CDH13: variants seen among roughly 807,000 people sequenced by gnomAD.
CDH13 encodes the protein cadherin-13.
CDH13 carries 24 observed loss-of-function variants against 63.8 expected under a neutral mutation model. The ratio of observed to expected loss-of-function variants is 0.38; its 90% confidence interval spans 0.27 to 0.53. CDH13 has a LOEUF of 0.53. CDH13 is among the 20% of genes least tolerant of loss of function. The pLI is 0.85. For synonymous variants in CDH13, 503 were observed against 355.3 expected (o/e 1.42, Z -4.67); for missense variants, 1,049 against 903.1 (o/e 1.16, Z -2.07).
chr16:83,300,021 C>T (rs563178141), intron 5 of CDH13, among the ~76,000 whole-genome samples: 9 of 152,286 alleles, frequency 5.9e-5, no homozygotes, highest in East Asian at 3.9e-4. Context: ...GCCTCAGTTT[C>T]GTCACAGGAG....
At chr16:82,980,815 G>C (rs1210801278) in intron 2 of CDH13, among the ~76,000 whole-genome samples, 1 of 152,144 alleles carries the variant, frequency 6.6e-6, no homozygotes, top group Non-Finnish European at 1.5e-5. Flanking sequence ...GAAAATATCT[G>C]TTTGTTTCAT....
In CDH13 at chr16:83,161,781, T is replaced by C. The variant is rs371838301; in HGVS notation, c.483+36280T>C. ...ACCTCTTCCCTACTAATTACATTAA[T>C]CAACAACAAACAACAACTCTAAAAG... On this transcript the variant is annotated intron_variant, in intron 4 of 13. Transcript: ENST00000567109. 1.9e-3 allele frequency among the ~76,000 whole-genome samples: 296 copies of C among 152,314 alleles called. 2 individuals carry two copies. The highest frequency in any genetic ancestry group is 6.9e-3 in the African/African-American group (285 of 41,572).
At chr16:83,146,640 C>G (rs183655823) in intron 4 of CDH13, among the ~76,000 whole-genome samples, 27 of 152,344 alleles carry the variant, frequency 1.8e-4, no homozygotes, top group African/African-American at 6.0e-4. Flanking sequence ...GAATGGTATT[C>G]AACAGGCATC....
intron 2 of CDH13, among the ~76,000 whole-genome samples, chr16:82,987,603 C>T (rs1281330538): frequency 1.3e-5 from 2 of 152,168 alleles, no homozygotes; most frequent in Non-Finnish European, 2.9e-5. Flanking sequence ...TCTCAAACTC[C>T]TGACCTCAGG....
In CDH13 at chr16:82,648,791, G is replaced by A. The variant is rs1404467039; in HGVS notation, c.45+21654G>A. On this transcript the variant is annotated intron_variant, in intron 1 of 13. Transcript: ENST00000567109. ...AGAAAAAACCTTCTAAAAAATAGGT[G>A]GTAAGACCCAGTGAAAGTTTTAAAG... 2.0e-5 allele frequency among the ~76,000 whole-genome samples: 3 copies of A among 152,112 alleles called. No homozygotes were observed. In the East Asian group the frequency reaches 5.8e-4, roughly 29 times the overall value.
chr16:82,999,381 A>T (rs1220551886), intron 2 of CDH13, among the ~76,000 whole-genome samples: 1 of 152,220 alleles, frequency 6.6e-6, no homozygotes, highest in Non-Finnish European at 1.5e-5. Context: ...GATTTAAGAG[A>T]ATACCACTTG....
intron 5 of CDH13, among the ~76,000 whole-genome samples, chr16:83,294,227 A>G (rs1444989622): frequency 3.3e-5 from 5 of 152,280 alleles, no homozygotes; most frequent in African/African-American, 1.2e-4. Context: ...CACAGTTACT[A>G]TTTTTGTGTT....
intron 13 of CDH13, among the ~76,000 whole-genome samples, chr16:83,790,452 T>G (rs913973124): frequency 9.9e-5 from 15 of 152,160 alleles, no homozygotes; most frequent in African/African-American, 3.4e-4. Context: ...CAGGCTGGAG[T>G]GCAGTGGCAT....
intron 3 of CDH13, among the ~76,000 whole-genome samples, chr16:83,122,387 A>C (rs1328240789): frequency 6.6e-6 from 1 of 152,238 alleles, no homozygotes; most frequent in East Asian, 1.9e-4. Flanking sequence ...TTTATTTAAA[A>C]TGATACAAAG....
At chr16:83,722,257 G>A (rs1909795028) in intron 10 of CDH13, among the ~76,000 whole-genome samples, 1 of 152,196 alleles carries the variant, frequency 6.6e-6, no homozygotes, top group African/African-American at 2.4e-5. Context: ...AGTAATCCCA[G>A]CCTCAAACAA....
intron 5 of CDH13, among the ~76,000 whole-genome samples, chr16:83,295,397 C>T (rs1035224450): frequency 2.0e-5 from 3 of 152,022 alleles, no homozygotes; most frequent in African/African-American, 7.2e-5. Context: ...TAAAAAACTT[C>T]TGCACAGCAA....
rs766100928 is a variant in CDH13 at position 83,031,996 on chromosome 16, C to T, written c.158-14C>T. 3.2e-5 allele frequency: 50 copies of T among 1,564,344 alleles called. No homozygotes were observed. The highest frequency in any genetic ancestry group is 1.3e-4 in the Admixed American group (7 of 52,834). On this transcript the variant is annotated splice_polypyrimidine_tract_variant and intron_variant, in intron 2 of 13. Coordinates refer to ENST00000567109, the MANE Select transcript of CDH13 (RefSeq NM_001257.5). ...CCTACTCATGCTCCTTCTGTTGTTT[C>T]GTTTGTTTCCCAGTGACCTTCAGTG...
chr16:83,032,731 T>C (rs1175692320), intron 3 of CDH13, among the ~76,000 whole-genome samples: 5 of 152,172 alleles, frequency 3.3e-5, no homozygotes, highest in Non-Finnish European at 7.3e-5. Context: ...GGTTGTGATG[T>C]TCTGGTTGGC....
chr16:83,636,769 T>A (rs1043481381), intron 8 of CDH13, among the ~76,000 whole-genome samples: 1 of 152,200 alleles, frequency 6.6e-6, no homozygotes, highest in Non-Finnish European at 1.5e-5. Context: ...CCTTTGAGTA[T>A]CTACTCAGTG....
chr16:82,679,046 G>T (rs1472108521), intron 1 of CDH13, among the ~76,000 whole-genome samples: 2 of 152,176 alleles, frequency 1.3e-5, no homozygotes, highest in Non-Finnish European at 2.9e-5. Flanking sequence ...TCCCAAGACA[G>T]CTATAGAAAG....
At chr16:83,674,337 A>G (rs1370925428) in intron 9 of CDH13, among the ~76,000 whole-genome samples, 1 of 152,216 alleles carries the variant, frequency 6.6e-6, no homozygotes, top group Non-Finnish European at 1.5e-5. Flanking sequence ...AGCCCCAGGC[A>G]TCATATCTTC....
intron 3 of CDH13, among the ~76,000 whole-genome samples, chr16:83,050,098 C>A (rs1004818967): frequency 6.6e-6 from 1 of 152,120 alleles, no homozygotes; most frequent in East Asian, 1.9e-4. Flanking sequence ...ACTCAGGATT[C>A]TTTACAAACA....
At chr16:83,133,205 T>A (rs962998674) in intron 4 of CDH13, among the ~76,000 whole-genome samples, 4 of 152,258 alleles carry the variant, frequency 2.6e-5, no homozygotes, top group Non-Finnish European at 4.4e-5. Flanking sequence ...TACATTTTAA[T>A]CTATTTACAG....
At chr16:82,867,301 G>T (rs1385332633) in intron 2 of CDH13, among the ~76,000 whole-genome samples, 1 of 152,172 alleles carries the variant, frequency 6.6e-6, no homozygotes, top group Non-Finnish European at 1.5e-5. Flanking sequence ...TGTTGGTGGT[G>T]ATACATCAAG....
Sources: allele counts gnomAD v4.1 joint callset (sites outside exome capture counted in the v4.1 genomes callset), GRCh38; gene constraint gnomAD v4.1.1; transcripts MANE v1.5; gene names NCBI Gene and HGNC (gene_info 2026-07-23, HGNC 2026-07-21).